The following LRRC4C variants were observed in gnomAD, a reference collection of about 807,000 sequenced individuals.
LRRC4C encodes leucine-rich repeat-containing protein 4C.
In LRRC4C, 5 loss-of-function variants were observed where a neutral mutation model predicts 33.6. The observed-to-expected ratio is 0.15, with a 90% CI of 0.08 to 0.31. The LOEUF (loss-of-function observed/expected upper bound fraction) is 0.31, where lower values mean the gene tolerates loss of function less well. Among genes scored for constraint, LRRC4C ranks in the 10% least tolerant of loss-of-function variants. LRRC4C has a pLI of 1.00. For missense variants in LRRC4C, 560 were observed against 796.7 expected, an observed-to-expected ratio of 0.70 and a Z score of 3.58; for synonymous variants, 329 against 302.0, an observed-to-expected ratio of 1.09 and a Z score of -0.93.
intron 3 of LRRC4C, among the ~76,000 whole-genome samples, chr11:40,531,021 A>G (rs552968919): frequency 2.6e-5 from 4 of 152,264 alleles, no homozygotes; most frequent in Non-Finnish European, 4.4e-5. Flanking sequence ...TATTGAAAGC[A>G]TTCAAAACAA....
intron 3 of LRRC4C, among the ~76,000 whole-genome samples, chr11:40,495,027 A>C (rs1212764289): frequency 6.6e-6 from 1 of 152,194 alleles, no homozygotes; most frequent in Non-Finnish European, 1.5e-5. Flanking sequence ...TGCTAAGGAG[A>C]GCATGAATAT....
chr11:40,948,437 T>C (rs1426916396), intron 1 of LRRC4C, among the ~76,000 whole-genome samples: 1 of 151,592 alleles, frequency 6.6e-6, no homozygotes, highest in Non-Finnish European at 1.5e-5. Context: ...TACATATGTA[T>C]ACATGTGCCA....
intron 2 of LRRC4C, among the ~76,000 whole-genome samples, chr11:40,841,512 C>G (rs1451925338): frequency 6.6e-6 from 1 of 152,148 alleles, no homozygotes; most frequent in Non-Finnish European, 1.5e-5. Context: ...GCAGAGTTCA[C>G]TTTTTCTTTC....
chr11:41,110,061 C>T (rs1268911478), intron 1 of LRRC4C, among the ~76,000 whole-genome samples: 2 of 151,946 alleles, frequency 1.3e-5, no homozygotes, highest in Admixed American at 6.6e-5. Flanking sequence ...TTCCTCAACC[C>T]ACTATTTTAT....
chr11:41,222,661 A>G (rs1034469846), intron 1 of LRRC4C: 2 of 151,958 alleles, frequency 1.3e-5, no homozygotes, highest in African/African-American at 4.8e-5. Context: ...CTTGGCCCCA[A>G]TCTATCCCAG....
At chr11:41,194,074 C>T (rs1946079528) in intron 1 of LRRC4C, among the ~76,000 whole-genome samples, 1 of 151,868 alleles carries the variant, frequency 6.6e-6, no homozygotes, top group South Asian at 2.1e-4. Context: ...AGGATAAAGA[C>T]CTTTATAATG....
At chr11:41,283,037 A>G (rs1473486862) in intron 1 of LRRC4C, among the ~76,000 whole-genome samples, 1 of 152,202 alleles carries the variant, frequency 6.6e-6, no homozygotes, top group Non-Finnish European at 1.5e-5. Context: ...TCACTCTTCA[A>G]TGGTTTATCA....
chr11:41,260,353 G>A (rs1446073176), intron 1 of LRRC4C, among the ~76,000 whole-genome samples: 2 of 151,924 alleles, frequency 1.3e-5, no homozygotes, highest in Non-Finnish European at 2.9e-5. Context: ...TTGATACTTC[G>A]CAGAAAACCA....
chr11:41,188,977 T>G (rs547037523), intron 1 of LRRC4C, among the ~76,000 whole-genome samples: 1 of 147,644 alleles, frequency 6.8e-6, no homozygotes, highest in African/African-American at 2.5e-5. Context: ...TAAATAAAAA[T>G]TATAACCCAC....
intron 1 of LRRC4C, among the ~76,000 whole-genome samples, chr11:41,124,598 C>A (rs1942647066): frequency 6.7e-6 from 1 of 149,424 alleles, no homozygotes; most frequent in African/African-American, 2.4e-5. Context: ...TTTTTAAAAA[C>A]TTAATTTTCT....
At chr11:40,700,504 T>A (rs1297093671) in intron 2 of LRRC4C, among the ~76,000 whole-genome samples, 1 of 152,168 alleles carries the variant, frequency 6.6e-6, no homozygotes, top group Non-Finnish European at 1.5e-5. Context: ...TTTCACATTC[T>A]TATCTCAAGT....
At chr11:40,170,312 C>T in intron 5 of LRRC4C, among the ~76,000 whole-genome samples, 1 of 152,106 alleles carries the variant, frequency 6.6e-6, no homozygotes, top group East Asian at 1.9e-4. Context: ...AACTATGCTC[C>T]CGTGGTAAAC....
At chr11:40,974,904 AC>A (rs1289900743) in intron 1 of LRRC4C, among the ~76,000 whole-genome samples, 1 of 152,156 alleles carries the variant, frequency 6.6e-6, no homozygotes, top group Non-Finnish European at 1.5e-5. Context: ...CAGGATTTAC[AC>A]CAGCAGCCTC....
chr11:41,383,914 A>T (rs1953253797), intron 1 of LRRC4C, among the ~76,000 whole-genome samples: 1 of 151,976 alleles, frequency 6.6e-6, no homozygotes, highest in East Asian at 1.9e-4. Flanking sequence ...GAAAATATTA[A>T]CCAAAACAAA....
At chr11:41,362,857 C>T (rs1952405776) in intron 1 of LRRC4C, among the ~76,000 whole-genome samples, 2 of 152,050 alleles carry the variant, frequency 1.3e-5, no homozygotes, top group Admixed American at 1.3e-4. Flanking sequence ...TCTTTTCTGT[C>T]TGACTCTGCT....
In LRRC4C at chr11:40,956,963, G is replaced by T. The variant is rs557217285; in HGVS notation, c.-495-23240C>A. On this transcript the variant is annotated intron_variant, in intron 1 of 6. Transcript: ENST00000528697. ...TTTTTTGGTTCCCAGTGCATAAAGG[G>T]AACTCAGAGGCAAAGTTTAATGAAA... Among the ~76,000 whole-genome samples, 5 of 151,860 alleles carry T rather than the reference G, an allele frequency of 3.3e-5. No homozygotes were observed. In the East Asian group the frequency reaches 9.7e-4, roughly 29 times the overall value.
chr11:41,245,334 G>T (rs1948408435), intron 1 of LRRC4C, among the ~76,000 whole-genome samples: 1 of 152,094 alleles, frequency 6.6e-6, no homozygotes, highest in Non-Finnish European at 1.5e-5. Flanking sequence ...CTTGTCAAGG[G>T]TGAGCCAGGC....
chr11:40,346,278 A>G (rs1400108201), intron 3 of LRRC4C, among the ~76,000 whole-genome samples: 2 of 152,232 alleles, frequency 1.3e-5, no homozygotes, highest in Non-Finnish European at 2.9e-5. Context: ...TGTTCACAAT[A>G]GCAAAGACAT....
chr11:41,051,116 C>T (rs2138122666), intron 1 of LRRC4C, among the ~76,000 whole-genome samples: 1 of 152,218 alleles, frequency 6.6e-6, no homozygotes, highest in African/African-American at 2.4e-5. Context: ...ATTATGGATT[C>T]TGAAGTTTAA....
Sources: allele counts gnomAD v4.1 joint callset (sites outside exome capture counted in the v4.1 genomes callset), GRCh38; gene constraint gnomAD v4.1.1; transcripts MANE v1.5; gene names NCBI Gene and HGNC (gene_info 2026-07-23, HGNC 2026-07-21).